FRAS1: variants seen among roughly 807,000 people sequenced by gnomAD.
FRAS1 encodes the protein extracellular matrix organizing protein FRAS1.
FRAS1 carries 290 observed loss-of-function variants against 435.2 expected under a neutral mutation model. The observed-to-expected ratio is 0.67, with a 90% CI of 0.61 to 0.73. The LOEUF is 0.73. Among genes scored for constraint, FRAS1 ranks in the 30% least tolerant of loss-of-function variants. The pLI, the probability that FRAS1 is intolerant of heterozygous loss-of-function variation, is 0.00. For missense variants in FRAS1, 4,860 were observed against 5,001.5 expected, an observed-to-expected ratio of 0.97 and a Z score of 0.85; for synonymous variants, 1,800 against 1,851.0, an observed-to-expected ratio of 0.97 and a Z score of 0.71.
intron 1 of FRAS1, among the ~76,000 whole-genome samples, chr4:78,059,766 C>T (rs1209842895): frequency 6.6e-6 from 1 of 151,544 alleles, no homozygotes; most frequent in African/African-American, 2.4e-5. Context: ...TTATTAAGAG[C>T]CTGCAGGGTG....
chr4:78,240,828 A>G (rs1402054807), intron 3 of FRAS1, among the ~76,000 whole-genome samples: 1 of 152,226 alleles, frequency 6.6e-6, no homozygotes, highest in African/African-American at 2.4e-5. Context: ...GTGCTTAAGA[A>G]GATTGAGAAG....
intron 28 of FRAS1, 56 bp downstream of exon 28, chr4:78,384,199 C>T (rs868188414): frequency 2.7e-5 from 32 of 1,182,950 alleles, no homozygotes; most frequent in South Asian, 1.5e-4. Flanking sequence ...TTCTCAAGCA[C>T]GAAATCTAGG....
chr4:78,339,410 A>G (rs1260222338), intron 20 of FRAS1, among the ~76,000 whole-genome samples: 2 of 152,244 alleles, frequency 1.3e-5, no homozygotes, highest in East Asian at 1.9e-4. Flanking sequence ...CAAAGACACA[A>G]GTGTAGTTAA....
At chr4:78,375,492 A>G (rs974191168) in intron 25 of FRAS1, among the ~76,000 whole-genome samples, 7 of 152,228 alleles carry the variant, frequency 4.6e-5, no homozygotes, top group African/African-American at 1.7e-4. Flanking sequence ...ACAAGTCAAT[A>G]TGGTTAACTT....
At chr4:78,175,562 A>C (rs1273479621) in intron 2 of FRAS1, among the ~76,000 whole-genome samples, 2 of 152,308 alleles carry the variant, frequency 1.3e-5, no homozygotes, top group East Asian at 3.9e-4. Flanking sequence ...TTGTATAGGG[A>C]AACCACAGGA....
intron 10 of FRAS1, among the ~76,000 whole-genome samples, chr4:78,279,171 G>A (rs1727202636): frequency 6.6e-6 from 1 of 152,190 alleles, no homozygotes; most frequent in African/African-American, 2.4e-5. Context: ...GAATGTCTAG[G>A]AGGAAACATA....
chr4:78,418,194 A>G (rs756139732), intron 32 of FRAS1, among the ~76,000 whole-genome samples: 1 of 152,270 alleles, frequency 6.6e-6, no homozygotes, highest in Non-Finnish European at 1.5e-5. Flanking sequence ...AAAAAGCAGT[A>G]TCTAGTTCTT....
intron 9 of FRAS1, among the ~76,000 whole-genome samples, chr4:78,275,338 T>C (rs2110169204): frequency 6.6e-6 from 1 of 152,338 alleles, no homozygotes; most frequent in Non-Finnish European, 1.5e-5. Flanking sequence ...TTGTTATGTG[T>C]GAATTTGATC....
At chr4:78,154,626 G>A (rs10032397) in intron 2 of FRAS1, among the ~76,000 whole-genome samples, 7,634 of 152,090 alleles carry the variant, frequency 0.05, 253 homozygotes, top group Admixed American at 0.084. Flanking sequence ...TTTTAGGCTC[G>A]CTTTAATTGG....
chr4:78,174,616 A>G (rs1201581981), intron 2 of FRAS1, among the ~76,000 whole-genome samples: 1 of 152,244 alleles, frequency 6.6e-6, no homozygotes, highest in Non-Finnish European at 1.5e-5. Flanking sequence ...CTGTCTAACA[A>G]TTAAGATAAG....
chr4:78,461,816 A>G (rs1216306442), intron 47 of FRAS1, among the ~76,000 whole-genome samples: 1 of 152,226 alleles, frequency 6.6e-6, no homozygotes, highest in African/African-American at 2.4e-5. Context: ...TAGCAGCTTT[A>G]TATATGGGGC....
At chr4:78,070,253 GTGTA>G (rs1740269708) in intron 2 of FRAS1, among the ~76,000 whole-genome samples, 1 of 18,556 alleles carries the variant, frequency 5.4e-5, no homozygotes. Flanking sequence ...ATGTATATAA[GTGTA>G]TATATATATA....
chr4:78,340,994 G>A (rs1202950939), intron 20 of FRAS1, among the ~76,000 whole-genome samples: 1 of 152,158 alleles, frequency 6.6e-6, no homozygotes, highest in Non-Finnish European at 1.5e-5. Flanking sequence ...TTCAGAGAAT[G>A]AATTCAGCCC....
At chr4:78,484,334 C>T (rs915716698) in intron 58 of FRAS1, among the ~76,000 whole-genome samples, 4 of 152,034 alleles carry the variant, frequency 2.6e-5, no homozygotes, top group Non-Finnish European at 5.9e-5. Flanking sequence ...GTTTAAATTG[C>T]GTTGTTTTCC....
In FRAS1 at chr4:78,261,095, C is replaced by A. The variant is rs147319458; in HGVS notation, c.604-3930C>A. On this transcript the variant is annotated intron_variant, in intron 6 of 73. Coordinates refer to ENST00000512123, the MANE Select transcript of FRAS1 (RefSeq NM_025074.7). Reference sequence around the variant, plus strand: ...TCATGTTCTCTCTCATCATTTTTCACTGTGCCTTTCCTCTGCATGGCGAGA... The same window carrying A: ...TCATGTTCTCTCTCATCATTTTTCAATGTGCCTTTCCTCTGCATGGCGAGA... Among the ~76,000 whole-genome samples the A allele has an allele frequency of 4.6e-3, 692 of 152,030 alleles. 6 individuals are homozygous for A. Among genetic ancestry groups the A allele is most frequent in the African/African-American group, 0.015 (638 of 41,476 alleles).
chr4:78,441,865 C>T lies in FRAS1; in HGVS notation c.5665+568C>T, dbSNP rs537598135. 1.4e-3 allele frequency among the ~76,000 whole-genome samples: 215 copies of T among 152,356 alleles called. 1 individual carries two copies. Among genetic ancestry groups the T allele is most frequent in the African/African-American group, 4.7e-3 (196 of 41,578 alleles). ...GTGACACTCTCTTCCACAGCCCTCC[C>T]CTCCACCATCTGCCCTGAACACTCT... On this transcript the variant is annotated intron_variant, in intron 41 of 73. Coordinates refer to ENST00000512123, the MANE Select transcript of FRAS1 (RefSeq NM_025074.7).
intron 9 of FRAS1, among the ~76,000 whole-genome samples, chr4:78,277,716 A>T (rs997035302): frequency 2.0e-5 from 3 of 152,188 alleles, no homozygotes; most frequent in East Asian, 1.9e-4. Context: ...TAAAAATTTT[A>T]AAATTATTGA....
rs1718908153 is a variant in FRAS1, at chr4:78,448,085, C to T, written c.6043C>T (p.Pro2015Ser). ...HVLWRQTASE[P>S]LENGRVLVQG... ...ACTCTGGAGGCAAACTGCTTCTGAGCCTCTGGAGAATGGGAGAGTTTTAGT... is the reference window on the plus strand; with the variant it reads ...ACTCTGGAGGCAAACTGCTTCTGAGTCTCTGGAGAATGGGAGAGTTTTAGT... Residue 2015 changes from proline (P) to serine (S), a missense_variant, in exon 44 of 74, where the codon CCT becomes TCT. Transcript: ENST00000512123. The T allele has an allele frequency of 1.9e-6, 3 of 1,612,436 alleles. No homozygotes were observed. Among genetic ancestry groups the T allele is most frequent in the South Asian group, 1.1e-5 (1 of 90,606 alleles).
chr4:78,371,893 C>T (rs546641424), intron 23 of FRAS1, among the ~76,000 whole-genome samples: 5 of 152,320 alleles, frequency 3.3e-5, no homozygotes, highest in East Asian at 1.9e-4. Flanking sequence ...CCCAACCCAA[C>T]CCCTGAGACT....
Sources: allele counts gnomAD v4.1 joint callset (sites outside exome capture counted in the v4.1 genomes callset), GRCh38; gene constraint gnomAD v4.1.1; transcripts MANE v1.5; gene names NCBI Gene and HGNC (gene_info 2026-07-23, HGNC 2026-07-21).